CEP63: variants seen among roughly 807,000 people sequenced by gnomAD.
CEP63 encodes centrosomal protein 63.
In CEP63, 84 loss-of-function variants were observed where a neutral mutation model predicts 89.1. That is an observed-to-expected ratio of 0.94 (90% confidence interval 0.79 to 1.13). The LOEUF (loss-of-function observed/expected upper bound fraction) is 1.13. Ranked by LOEUF, CEP63 falls within the 50% of genes most tolerant of loss-of-function variation. CEP63 has a pLI of 0.00. For synonymous variants in CEP63, 267 were observed against 272.5 expected (o/e 0.98, Z 0.20); for missense variants, 838 against 813.3 (o/e 1.03, Z -0.37).
chr3:134,704,386 A>T, the CEP63 span, among the ~76,000 whole-genome samples: 3 of 152,154 alleles, frequency 2.0e-5, no homozygotes, highest in African/African-American at 4.8e-5. Flanking sequence ...CCTAACATCC[A>T]GTAGACATTT....
chr3:134,705,094 G>A, the CEP63 span, among the ~76,000 whole-genome samples: 8 of 152,090 alleles, frequency 5.3e-5, no homozygotes, highest in African/African-American at 1.9e-4. Flanking sequence ...AGAGGCTAAG[G>A]GTCCCCAACC....
the CEP63 span, among the ~76,000 whole-genome samples, chr3:134,696,207 G>T: frequency 6.6e-6 from 1 of 152,224 alleles, no homozygotes; most frequent in Non-Finnish European, 1.5e-5. Context: ...CAGACATGTC[G>T]CTGTGGGCAG....
chr3:134,541,645 C>G (rs980816604), intron 6 of CEP63, among the ~76,000 whole-genome samples: 1 of 151,442 alleles, frequency 6.6e-6, no homozygotes, highest in African/African-American at 2.4e-5. Context: ...TCCCAAGTAG[C>G]TAGGATTACA....
chr3:134,589,666 A>G (rs1299896524), downstream of CEP63, among the ~76,000 whole-genome samples: 2 of 152,034 alleles, frequency 1.3e-5, no homozygotes, highest in Non-Finnish European at 2.9e-5. Context: ...AAATTATTTC[A>G]GCCATTATGG....
chr3:134,542,947 A>AAAT, intron 6 of CEP63, among the ~76,000 whole-genome samples: 1 of 152,024 alleles, frequency 6.6e-6, no homozygotes, highest in East Asian at 1.9e-4. Context: ...GTGCAAAAAA[A>AAAT]AAAAAAGTTT....
chr3:134,586,079 C>T (rs1453643710), intron 10 of CEP63, among the ~76,000 whole-genome samples: 6 of 151,934 alleles, frequency 3.9e-5, no homozygotes, highest in African/African-American at 1.4e-4. Flanking sequence ...TTATTTTGAG[C>T]CTATGTGTGT....
chr3:134,754,967 G>T, the CEP63 span, among the ~76,000 whole-genome samples: 1 of 152,010 alleles, frequency 6.6e-6, no homozygotes, highest in East Asian at 1.9e-4. Flanking sequence ...TGCACCCTGG[G>T]CTCCCTCTTC....
At chr3:134,503,632 G>A (rs887951734) in intron 2 of CEP63, among the ~76,000 whole-genome samples, 1 of 152,010 alleles carries the variant, frequency 6.6e-6, no homozygotes, top group Non-Finnish European at 1.5e-5. Context: ...TTATTGTATT[G>A]GAGTCTGTCT....
At chr3:134,731,898 A>G in the CEP63 span, among the ~76,000 whole-genome samples, 678 of 152,324 alleles carry the variant, frequency 4.5e-3, 1 homozygote, top group African/African-American at 0.015. Flanking sequence ...CAAAATACTG[A>G]ACACAGATCT....
intron 10 of CEP63, among the ~76,000 whole-genome samples, chr3:134,584,355 A>G (rs1958432183): frequency 6.6e-6 from 1 of 152,282 alleles, no homozygotes; most frequent in Non-Finnish European, 1.5e-5. Context: ...TGTTCCATCA[A>G]TACCTAATTT....
intron 3 of CEP63, among the ~76,000 whole-genome samples, chr3:134,508,135 C>G (rs1224709536): frequency 5.9e-5 from 9 of 152,168 alleles, no homozygotes; most frequent in Non-Finnish European, 1.5e-5. Flanking sequence ...GTTGAGAAAA[C>G]TTATTAAGAA....
the CEP63 span, among the ~76,000 whole-genome samples, chr3:134,642,080 T>C: frequency 6.6e-6 from 1 of 152,176 alleles, no homozygotes. Context: ...TAGAGCTGCA[T>C]TCTCAGGAAT....
At chr3:134,653,019 GC>G in the CEP63 span, among the ~76,000 whole-genome samples, 1 of 152,154 alleles carries the variant, frequency 6.6e-6, no homozygotes, top group African/African-American at 2.4e-5. Context: ...AAACTCTGGT[GC>G]CCCCTCCCAG....
downstream of CEP63, among the ~76,000 whole-genome samples, chr3:134,588,203 G>A (rs573911805): frequency 5.3e-5 from 8 of 152,206 alleles, no homozygotes; most frequent in Admixed American, 3.9e-4. Flanking sequence ...TGAGGCAGGA[G>A]AATCACTTGA....
chr3:134,712,786 A>G, the CEP63 span, among the ~76,000 whole-genome samples: 1 of 151,910 alleles, frequency 6.6e-6, no homozygotes, highest in Non-Finnish European at 1.5e-5. Flanking sequence ...TCTGGGGGGA[A>G]CTCAAATTAT....
rs1419533631 is a variant in CEP63, at chr3:134,564,679, G to A, written c.*3144G>A. ...TTACTGAAAATATATATTTGAAAGGGCTTTGCAGTTTTAAGTACTGTACCT... is the reference window on the plus strand; with the variant it reads ...TTACTGAAAATATATATTTGAAAGGACTTTGCAGTTTTAAGTACTGTACCT... On this transcript the variant is annotated 3_prime_UTR_variant, in exon 15 of 15. Coordinates refer to ENST00000675561, the MANE Select transcript of CEP63 (RefSeq NM_001353108.3). 3.0e-6 allele frequency: 3 copies of A among 985,216 alleles called. No individual in the cohort carries two copies. The highest frequency in any genetic ancestry group is 3.6e-6 in the Non-Finnish European group (3 of 829,858). The allele number at this position is 985,216 out of a possible 1,614,324, so 61.0% of individuals were successfully genotyped here.
the CEP63 span, among the ~76,000 whole-genome samples, chr3:134,773,282 T>C: frequency 1.3e-5 from 2 of 152,116 alleles, no homozygotes; most frequent in Non-Finnish European, 2.9e-5. Context: ...CAGTTATGGG[T>C]GGGCACTATC....
At chr3:134,585,852 C>T (rs1050160392) in intron 10 of CEP63, among the ~76,000 whole-genome samples, 2 of 152,104 alleles carry the variant, frequency 1.3e-5, no homozygotes, top group African/African-American at 4.8e-5. Context: ...TCTCTAAGGA[C>T]TTGCTTTATG....
the CEP63 span, chr3:134,601,011 C>G: frequency 6.6e-6 from 1 of 152,344 alleles, no homozygotes; most frequent in African/African-American, 2.4e-5. Context: ...CTCCGCACTT[C>G]GGACACCTGG....
Sources: allele counts gnomAD v4.1 joint callset (sites outside exome capture counted in the v4.1 genomes callset), GRCh38; gene constraint gnomAD v4.1.1; transcripts MANE v1.5; gene names NCBI Gene and HGNC (gene_info 2026-07-23, HGNC 2026-07-21).